APP: variants seen among roughly 807,000 people sequenced by gnomAD.
APP encodes the protein amyloid beta precursor protein.
APP carries 31 observed loss-of-function variants against 101.4 expected under a neutral mutation model. That is an observed-to-expected ratio of 0.31 (90% CI 0.23 to 0.41). The LOEUF is 0.41. Ranked by LOEUF, APP falls within the 10% of genes least tolerant of loss-of-function variation. The pLI is 1.00. For missense variants in APP, 839 were observed against 1,003.7 expected (o/e 0.84, Z 2.22); for synonymous variants, 366 against 364.4 (o/e 1.00, Z -0.05).
chr21:25,898,626 C>T (rs866865303), intron 15 of APP, among the ~76,000 whole-genome samples: 8 of 152,274 alleles, frequency 5.3e-5, no homozygotes, highest in Middle Eastern at 3.4e-3. Context: ...GATAGATTTG[C>T]CTGCCCAAAC....
At position 26,112,061 on chromosome 21, in the gene APP, T is replaced by C. The variant is rs1387322785; in HGVS notation, c.143A>G (p.Gln48Arg). 6.2e-7 allele frequency: 1 copy of C among 1,614,158 alleles called. No individual in the cohort carries two copies. Among genetic ancestry groups the C allele is most frequent in the Non-Finnish European group, 8.5e-7 (1 of 1,180,016 alleles). ...TGGATCTGAATCCCACTTCCCATTCTGGACATTCATGTGCATGTTCAGTCT... is the reference window on the plus strand; with the variant it reads ...TGGATCTGAATCCCACTTCCCATTCCGGACATTCATGTGCATGTTCAGTCT... ...CGRLNMHMNV[Q>R]NGKWDSDPSG... Residue 48 changes from glutamine (Q) to arginine (R), a missense_variant, in exon 2 of 18, where the codon CAG (glutamine) becomes CGG (arginine). Transcript: ENST00000346798.
At chr21:26,097,382 T>C (rs1393787092) in intron 2 of APP, among the ~76,000 whole-genome samples, 2 of 152,220 alleles carry the variant, frequency 1.3e-5, no homozygotes, top group Non-Finnish European at 2.9e-5. Context: ...GATAAGCATG[T>C]AATTAATATT....
intron 5 of APP, among the ~76,000 whole-genome samples, chr21:26,048,919 TG>T (rs1398854788): frequency 1.3e-5 from 2 of 152,042 alleles, no homozygotes; most frequent in Non-Finnish European, 2.9e-5. Context: ...GGCAGAACGG[TG>T]GGAATGAAAG....
chr21:26,101,360 G>A (rs936349483), intron 2 of APP, among the ~76,000 whole-genome samples: 2 of 152,112 alleles, frequency 1.3e-5, no homozygotes, highest in African/African-American at 4.8e-5. Flanking sequence ...GCCTCCCAAT[G>A]TGCTGGGATT....
chr21:26,024,135 C>G (rs2044466481), intron 5 of APP, among the ~76,000 whole-genome samples: 1 of 152,128 alleles, frequency 6.6e-6, no homozygotes, highest in Admixed American at 6.5e-5. Context: ...CGTATACCAC[C>G]TAGCAGGACT....
At chr21:26,099,874 C>T (rs994271161) in intron 2 of APP, among the ~76,000 whole-genome samples, 6 of 152,156 alleles carry the variant, frequency 3.9e-5, no homozygotes, top group East Asian at 1.9e-4. Context: ...AAAGCAAAGG[C>T]GGTAAAATGC....
At chr21:25,939,658 CT>C (rs1408410402) in intron 13 of APP, among the ~76,000 whole-genome samples, 1 of 152,138 alleles carries the variant, frequency 6.6e-6, no homozygotes, top group Non-Finnish European at 1.5e-5. Flanking sequence ...TCTAAAGTTT[CT>C]TATTTTTTCA....
At chr21:25,982,577 A>T in intron 8 of APP, 100 bp from the exon 9 acceptor site, 1 of 1,218,330 alleles carries the variant, frequency 8.2e-7, no homozygotes, top group Non-Finnish European at 1.2e-6. Flanking sequence ...TATTTCTCAG[A>T]ACAGAGAATT....
At chr21:26,073,275 G>A (rs2061441581) in intron 3 of APP, among the ~76,000 whole-genome samples, 1 of 152,106 alleles carries the variant, frequency 6.6e-6, no homozygotes, top group Admixed American at 6.5e-5. Context: ...GTGGCGCGGG[G>A]AGGACGGGGA....
At chr21:25,987,847 G>A (rs1019231448) in intron 8 of APP, among the ~76,000 whole-genome samples, 1 of 152,168 alleles carries the variant, frequency 6.6e-6, no homozygotes, top group Non-Finnish European at 1.5e-5. Context: ...TGAGGCACAT[G>A]GGAGAAACCA....
intron 8 of APP, 139 bp downstream of exon 8, chr21:25,997,221 G>A: frequency 1.2e-6 from 1 of 822,518 alleles, no homozygotes; most frequent in Non-Finnish European, 2.1e-6. Context: ...TACAAGCAAG[G>A]TAATGGGAAG....
intron 11 of APP, among the ~76,000 whole-genome samples, chr21:25,966,261 A>G (rs940675355): frequency 2.0e-5 from 3 of 152,218 alleles, no homozygotes; most frequent in Non-Finnish European, 4.4e-5. Flanking sequence ...TTTGTTCACT[A>G]AATGCTAATT....
chr21:26,109,071 C>T (rs1186297334), intron 2 of APP, among the ~76,000 whole-genome samples: 1 of 152,070 alleles, frequency 6.6e-6, no homozygotes, highest in Non-Finnish European at 1.5e-5. Flanking sequence ...ACAAGACTTC[C>T]GTGGGTGGGT....
chr21:26,048,279 C>A (rs183056940), intron 5 of APP, among the ~76,000 whole-genome samples: 9 of 151,996 alleles, frequency 5.9e-5, no homozygotes, highest in African/African-American at 1.9e-4. Flanking sequence ...GCCGAGATCA[C>A]GCCACTGCAC....
chr21:25,979,987 T>G (rs2042367637), intron 9 of APP, among the ~76,000 whole-genome samples: 1 of 152,212 alleles, frequency 6.6e-6, no homozygotes, highest in Non-Finnish European at 1.5e-5. Context: ...TGACTGCCTG[T>G]CTCATTCTGA....
chr21:25,926,677 C>T (rs2039909481), intron 13 of APP, among the ~76,000 whole-genome samples: 1 of 152,170 alleles, frequency 6.6e-6, no homozygotes. Context: ...AACCTTCTCA[C>T]TGTTCCATGA....
Position 25,933,708 on chromosome 21 carries a change from C to G in APP, c.1687+20882G>C, listed in dbSNP as rs536041510. On this transcript the variant is annotated intron_variant, in intron 13 of 17. Transcript: ENST00000346798. ...AATTAACCCTGGCTAATTAAAACAGCCACAGTTGACACATTTACTCATTAA... is the reference window on the plus strand; with the variant it reads ...AATTAACCCTGGCTAATTAAAACAGGCACAGTTGACACATTTACTCATTAA... 4 of 152,206 alleles carry G rather than the reference C, an allele frequency of 2.6e-5. No individual in the cohort carries two copies. The East Asian group carries it at 7.7e-4, about 29-fold the overall frequency. 9.4% of individuals were successfully genotyped at this position (152,206 alleles called of 1,614,324 possible).
At chr21:26,040,654 C>T (rs768986286) in intron 5 of APP, among the ~76,000 whole-genome samples, 5 of 150,380 alleles carry the variant, frequency 3.3e-5, no homozygotes, top group Non-Finnish European at 7.4e-5. Flanking sequence ...CTGTAATCCT[C>T]GGGAGACTGA....
chr21:26,058,856 C>T (rs968671270), intron 3 of APP, among the ~76,000 whole-genome samples: 6 of 151,914 alleles, frequency 3.9e-5, no homozygotes, highest in East Asian at 3.9e-4. Flanking sequence ...CCGAGGCGGG[C>T]GGATCACAAG....
Sources: allele counts gnomAD v4.1 joint callset (sites outside exome capture counted in the v4.1 genomes callset), GRCh38; gene constraint gnomAD v4.1.1; transcripts MANE v1.5; gene names NCBI Gene and HGNC (gene_info 2026-07-23, HGNC 2026-07-21).